Variants in C2orf78 observed in about 807,000 individuals in gnomAD.
The protein encoded by C2orf78 is uncharacterized protein C2orf78.
A neutral mutation model predicts 21.4 loss-of-function variants in C2orf78; 12 were observed. The observed-to-expected ratio is 0.56, with a 90% CI of 0.36 to 0.91. The LOEUF (loss-of-function observed/expected upper bound fraction) is 0.91, where lower values mean the gene tolerates loss of function less well. C2orf78 is among the 40% of genes least tolerant of loss of function. The pLI, the probability that C2orf78 is intolerant of heterozygous loss-of-function variation, is 0.01. For synonymous variants in C2orf78, 396 were observed against 413.9 expected (o/e 0.96, Z 0.52); for missense variants, 1,042 against 1,092.4 (o/e 0.95, Z 0.65).
chr2:73,786,624 T>C (rs571576540), intron 1 of C2orf78, among the ~76,000 whole-genome samples: 4 of 11,000 alleles, frequency 3.6e-4, no homozygotes, highest in African/African-American at 1.5e-3. Flanking sequence ...CAGACATCTG[T>C]TCCTTATGCT....
exon 3 of C2orf78, chr2:73,815,876 C>T: frequency 6.2e-7 from 1 of 1,613,520 alleles, no homozygotes; most frequent in South Asian, 1.1e-5. Context: ...AGCATTCTAG[C>T]AACAAACCTC....
chr2:73,813,809 G>C (rs756407343), exon 2 of C2orf78: 1 of 1,614,028 alleles, frequency 6.2e-7, no homozygotes, highest in South Asian at 1.1e-5. Flanking sequence ...CTCACTCAGG[G>C]ACTTCACTGT....
intron 1 of C2orf78, among the ~76,000 whole-genome samples, chr2:73,786,374 A>C (rs1672934491): frequency 6.7e-6 from 1 of 148,272 alleles, no homozygotes; most frequent in African/African-American, 2.5e-5. Context: ...GCGAGACTCC[A>C]TCTAAAAACA....
At chr2:73,814,118 G>A (rs772727681) in exon 2 of C2orf78, 3 of 1,612,858 alleles carry the variant, frequency 1.9e-6, no homozygotes, top group Non-Finnish European at 2.5e-6. Flanking sequence ...ACCAGAAATG[G>A]TGATGGTGCT....
chr2:73,810,289 G>A (rs564365008), intron 1 of C2orf78, among the ~76,000 whole-genome samples: 3 of 152,058 alleles, frequency 2.0e-5, no homozygotes, highest in African/African-American at 7.2e-5. Context: ...CCAGCACTTT[G>A]GGAGGCCGAG....
At chr2:73,816,830 G>A (rs750694636) in exon 3 of C2orf78, 12 of 1,613,966 alleles carry the variant, frequency 7.4e-6, no homozygotes, top group South Asian at 5.5e-5. Flanking sequence ...TAATGTCAAC[G>A]CCCATCACAG....
chr2:73,786,211 T>C (rs1368630801), intron 1 of C2orf78, among the ~76,000 whole-genome samples: 13 of 151,710 alleles, frequency 8.6e-5, no homozygotes, highest in Admixed American at 2.0e-4. Context: ...GAAACCCCAT[T>C]TCTCCTGAAA....
intron 1 of C2orf78, among the ~76,000 whole-genome samples, chr2:73,810,014 G>T: frequency 6.7e-6 from 1 of 149,280 alleles, no homozygotes; most frequent in East Asian, 2.0e-4. Flanking sequence ...TTTTAAATTT[G>T]AAAAAAAAAG....
chr2:73,815,826 A>G lies in C2orf78; in HGVS notation c.1603A>G (p.Ser535Gly), dbSNP rs59708395. ...ATTAGAGAGAGAAGTGGTTGTTGGC[A>G]GTGCTACAGTCAGTAACAGCGCTTC... The change falls in exon 3 of 3, where the codon AGT becomes GGT. Residue 535 changes from serine (S) to glycine (G), a missense_variant. Around this residue, in one of 2 missense-constraint regions of C2orf78, gnomAD observed 1,039 missense variants for 1,069.7 expected, o/e 0.97. Transcript: ENST00000409561. 4,106 of 1,613,858 alleles carry G rather than the reference A, an allele frequency of 2.5e-3. 118 individuals are homozygous for G. The African/African-American group carries it at 0.049, about 19-fold the overall frequency.
At chr2:73,786,138 G>T (rs1672927177) in intron 1 of C2orf78, among the ~76,000 whole-genome samples, 1 of 152,054 alleles carries the variant, frequency 6.6e-6, no homozygotes, top group Non-Finnish European at 1.5e-5. Flanking sequence ...ACAGCACTTT[G>T]CAAGGCTGAC....
exon 3 of C2orf78, chr2:73,816,525 T>C (rs1673203367): frequency 2.5e-6 from 4 of 1,613,562 alleles, no homozygotes; most frequent in African/African-American, 2.7e-5. Flanking sequence ...AGTCAATCCA[T>C]CCCGACCAGC....
Position 73,815,052 on chromosome 2 carries a change from T to A in C2orf78, c.848-19T>A. On this transcript the variant is annotated intron_variant, in intron 2 of 2. Coordinates refer to ENST00000409561, the Ensembl canonical transcript of C2orf78. The stretch of plus-strand genomic sequence containing the variant: ...ATCTCACTTACCAGGGACTGACTTC[T>A]TCCTTGATTCCTTTGTAGTGATGGA... The A allele has an allele frequency of 6.3e-7, 1 of 1,590,294 alleles. No individual in the cohort carries two copies. The highest frequency in any genetic ancestry group is 8.6e-7 in the Non-Finnish European group (1 of 1,168,056).
chr2:73,813,767 G>C, exon 2 of C2orf78: 1 of 1,614,032 alleles, frequency 6.2e-7, no homozygotes, highest in Non-Finnish European at 8.5e-7. Flanking sequence ...TTTTGAGTGG[G>C]ATAGTACAGC....
chr2:73,809,652 G>A (rs1278909187), intron 1 of C2orf78, among the ~76,000 whole-genome samples: 1 of 150,904 alleles, frequency 6.6e-6, no homozygotes, highest in African/African-American at 2.5e-5. Flanking sequence ...GCCAGGGTTG[G>A]GGGTGTGCCA....
chr2:73,815,586 C>A (rs377075053), exon 3 of C2orf78: 50 of 1,613,880 alleles, frequency 3.1e-5, no homozygotes, highest in Non-Finnish European at 4.2e-5. Flanking sequence ...TTACCTCCCC[C>A]CGATCTTCAG....
In C2orf78 at chr2:73,815,061, T is replaced by C. The variant is rs1396119648; in HGVS notation, c.848-10T>C. On this transcript the variant is annotated splice_polypyrimidine_tract_variant and intron_variant, in intron 2 of 2. Coordinates refer to ENST00000409561, the Ensembl canonical transcript of C2orf78. ...ACCAGGGACTGACTTCTTCCTTGAT[T>C]CCTTTGTAGTGATGGAAACTTCCCT... The C allele has an allele frequency of 6.3e-6, 10 of 1,596,746 alleles. No homozygotes were observed. In the Middle Eastern group the frequency reaches 5.0e-4, roughly 81 times the overall value.
chr2:73,786,071 A>ACC (rs1672924192), intron 1 of C2orf78, among the ~76,000 whole-genome samples: 24 of 151,872 alleles, frequency 1.6e-4, no homozygotes, highest in South Asian at 8.4e-4. Flanking sequence ...AGAAAGAGAG[A>ACC]AATATGTTTT....
chr2:73,813,800 T>G (rs1424721974), exon 2 of C2orf78: 12 of 1,614,044 alleles, frequency 7.4e-6, no homozygotes, highest in Non-Finnish European at 1.0e-5. Flanking sequence ...GAAGTCATCC[T>G]CACTCAGGGA....
At chr2:73,808,111 G>A (rs1193368634) in intron 1 of C2orf78, among the ~76,000 whole-genome samples, 11 of 150,850 alleles carry the variant, frequency 7.3e-5, no homozygotes, top group Admixed American at 2.0e-4. Flanking sequence ...AAAATTAGCC[G>A]GCTGAAGTGG....
Sources: allele counts gnomAD v4.1 joint callset (sites outside exome capture counted in the v4.1 genomes callset), GRCh38; gene constraint gnomAD v4.1.1; regional missense constraint gnomAD v4.1.1; transcripts MANE v1.5; gene names NCBI Gene and HGNC (gene_info 2026-07-23, HGNC 2026-07-21).